Variants in CACNA1E observed in about 807,000 individuals in gnomAD.
CACNA1E encodes voltage-dependent R-type calcium channel subunit alpha-1E.
Under a neutral mutation model 259.2 loss-of-function variants are expected in CACNA1E, and 40 were observed. The ratio of observed to expected loss-of-function variants is 0.15; its 90% confidence interval spans 0.12 to 0.20. CACNA1E has a LOEUF of 0.20. Ranked by LOEUF, CACNA1E falls within the 10% of genes least tolerant of loss-of-function variation. The pLI is 1.00. For synonymous variants in CACNA1E, 1,104 were observed against 1,138.5 expected, an observed-to-expected ratio of 0.97 and a Z score of 0.61; for missense variants, 1,874 against 3,040.1, an observed-to-expected ratio of 0.62 and a Z score of 9.02.
intron 1 of CACNA1E, among the ~76,000 whole-genome samples, chr1:181,330,057 G>A (rs143966987): frequency 2.6e-5 from 4 of 152,274 alleles, no homozygotes; most frequent in Admixed American, 6.5e-5. Flanking sequence ...GAGCTAAGAC[G>A]TAGCATTGTT....
chr1:181,672,163 T>G (rs1648874444), intron 7 of CACNA1E, among the ~76,000 whole-genome samples: 2 of 152,098 alleles, frequency 1.3e-5, no homozygotes, highest in Admixed American at 1.3e-4. Context: ...AAGTTCTCAG[T>G]TATAAGTGGG....
chr1:181,455,456 C>T (rs1399322539), intron 2 of CACNA1E, among the ~76,000 whole-genome samples: 1 of 152,144 alleles, frequency 6.6e-6, no homozygotes, highest in Non-Finnish European at 1.5e-5. Flanking sequence ...AGGGTCTGTT[C>T]AGGGCAATAG....
At chr1:181,677,073 T>C (rs570587860) in intron 7 of CACNA1E, among the ~76,000 whole-genome samples, 1 of 152,238 alleles carries the variant, frequency 6.6e-6, no homozygotes, top group African/African-American at 2.4e-5. Flanking sequence ...ACGTATCTTC[T>C]CTACTCCCTT....
chr1:181,359,608 T>C (rs1285736043), intron 1 of CACNA1E, among the ~76,000 whole-genome samples: 3 of 152,142 alleles, frequency 2.0e-5, no homozygotes, highest in South Asian at 2.1e-4. Context: ...CGATACTCTA[T>C]GGCTCTGTGC....
chr1:181,342,331 G>A (rs1652221618), intron 1 of CACNA1E, among the ~76,000 whole-genome samples: 1 of 152,120 alleles, frequency 6.6e-6, no homozygotes. Flanking sequence ...AGAATTTTAA[G>A]CAGAGGAGTG....
At position 181,752,786 on chromosome 1, in the gene CACNA1E, A is replaced by G. The variant is rs574526258; in HGVS notation, c.3828+547A>G. Reference sequence around the variant, plus strand: ...GAGAAGAAATGGGAAGTGAGCTGACATGAATTAAGTTCTTCCTATTGCCAG... The same window carrying G: ...GAGAAGAAATGGGAAGTGAGCTGACGTGAATTAAGTTCTTCCTATTGCCAG... On this transcript the variant is annotated intron_variant, in intron 27 of 47. Transcript: ENST00000367573. Among the ~76,000 whole-genome samples the G allele has an allele frequency of 4.6e-5, 7 of 152,360 alleles. No individual in the cohort carries two copies. In the South Asian group the frequency reaches 1.2e-3, roughly 27 times the overall value.
chr1:181,778,274 C>A lies in CACNA1E; in HGVS notation c.5267+2046C>A, dbSNP rs145131982. Among the ~76,000 whole-genome samples the A allele has an allele frequency of 3.2e-3, 490 of 152,308 alleles. 2 individuals are homozygous for A. Among genetic ancestry groups the A allele is most frequent in the African/African-American group, 0.011 (445 of 41,560 alleles). The stretch of plus-strand genomic sequence containing the variant: ...AATGTCAGTCTATAGCCACTCCCAA[C>A]CCACCTACTTCCCAATCTCACTAAG... On this transcript the variant is annotated intron_variant, in intron 38 of 47. Transcript: ENST00000367573.
intron 2 of CACNA1E, among the ~76,000 whole-genome samples, chr1:181,461,600 T>C (rs1292409258): frequency 1.3e-5 from 2 of 150,164 alleles, no homozygotes; most frequent in African/African-American, 4.9e-5. Context: ...TAGTTTCTAA[T>C]ACTTCAGGCA....
At chr1:181,557,821 T>A (rs1234667225) in intron 3 of CACNA1E, among the ~76,000 whole-genome samples, 1 of 152,122 alleles carries the variant, frequency 6.6e-6, no homozygotes, top group Admixed American at 6.5e-5. Context: ...TCGGGTTATG[T>A]TAAGAAAGTG....
chr1:181,474,125 A>C (rs1301093497), intron 2 of CACNA1E, among the ~76,000 whole-genome samples: 1 of 124,430 alleles, frequency 8.0e-6, no homozygotes, highest in Non-Finnish European at 1.6e-5. Context: ...GCAATATGAA[A>C]ATAGAGATTA....
chr1:181,795,171 T>C, intron 46 of CACNA1E, 127 bp downstream of exon 46: 1 of 770,880 alleles, frequency 1.3e-6, no homozygotes. Context: ...AAGTGAAGGA[T>C]GCTCCTTACC....
intron 2 of CACNA1E, among the ~76,000 whole-genome samples, chr1:181,459,299 G>A (rs1358995421): frequency 6.6e-6 from 1 of 152,264 alleles, no homozygotes. Flanking sequence ...TGAGATAGGT[G>A]AGCCGGTGAG....
intron 1 of CACNA1E, among the ~76,000 whole-genome samples, chr1:181,358,436 C>T (rs992125149): frequency 2.0e-5 from 3 of 152,184 alleles, no homozygotes; most frequent in African/African-American, 7.2e-5. Flanking sequence ...TATAAAGAGA[C>T]ATTTTAAAGA....
intron 3 of CACNA1E, among the ~76,000 whole-genome samples, chr1:181,518,579 A>C (rs553656053): frequency 7.2e-5 from 11 of 152,312 alleles, no homozygotes; most frequent in African/African-American, 2.6e-4. Context: ...GCTGCTGATA[A>C]ATCCAGTTAC....
intron 1 of CACNA1E, among the ~76,000 whole-genome samples, chr1:181,361,320 G>A (rs1209511910): frequency 2.0e-5 from 3 of 151,948 alleles, no homozygotes; most frequent in African/African-American, 7.3e-5. Flanking sequence ...AGGTGGGCTT[G>A]GAAGTATTTA....
intron 6 of CACNA1E, among the ~76,000 whole-genome samples, chr1:181,618,996 C>T (rs1218665472): frequency 6.6e-6 from 1 of 152,096 alleles, no homozygotes; most frequent in Non-Finnish European, 1.5e-5. Context: ...GATGAGGGTT[C>T]ATTCATATAA....
At chr1:181,482,611 TCG>T (rs1252650253), upstream of CACNA1E, among the ~76,000 whole-genome samples, 972 of 152,288 alleles carry the variant, frequency 6.4e-3, 14 homozygotes, top group African/African-American at 0.021. Flanking sequence ...CTTGCGCGCC[TCG>T]CTGCGCCTCT....
At chr1:181,452,051 G>A (rs1254653274) in intron 2 of CACNA1E, among the ~76,000 whole-genome samples, 1 of 152,260 alleles carries the variant, frequency 6.6e-6, no homozygotes, top group Non-Finnish European at 1.5e-5. Context: ...CAGAGAGTAA[G>A]GGGGCTAATT....
At chr1:181,733,375 G>T (rs1465992077) in intron 20 of CACNA1E, 62 bp from the exon 21 acceptor site, 1 of 1,402,734 alleles carries the variant, frequency 7.1e-7, no homozygotes, top group East Asian at 2.4e-5. Context: ...CCTTGTGCCA[G>T]GCACACCTGC....
Sources: gnomAD v4.1 joint callset for allele counts (sites outside exome capture counted in the v4.1 genomes callset) on GRCh38, gnomAD v4.1.1 for gene constraint, MANE v1.5 for transcripts, NCBI Gene and HGNC (gene_info 2026-07-23, HGNC 2026-07-21) for gene names.